The following PATJ variants were observed in gnomAD, a reference collection of about 807,000 sequenced individuals.
The protein encoded by PATJ is PATJ crumbs cell polarity complex component, also known as inaD-like protein.
A neutral mutation model predicts 224.9 loss-of-function variants in PATJ; 190 were observed. That is an observed-to-expected ratio of 0.84 (90% CI 0.75 to 0.95). PATJ has a LOEUF of 0.95. PATJ is among the 40% of genes least tolerant of loss of function. PATJ has a pLI of 0.00. For missense variants in PATJ, 2,121 were observed against 2,270.3 expected (o/e 0.93, Z 1.34); for synonymous variants, 769 against 820.3 (o/e 0.94, Z 1.07).
At chr1:61,927,853 G>A in intron 27 of PATJ, 24 bp downstream of exon 27, 2 of 1,455,234 alleles carry the variant, frequency 1.4e-6, no homozygotes, top group Non-Finnish European at 1.9e-6. Flanking sequence ...CACTATTTAG[G>A]GTAGATGCAG....
intron 27 of PATJ, among the ~76,000 whole-genome samples, chr1:61,946,111 G>A (rs1053821538): frequency 6.6e-6 from 1 of 152,172 alleles, no homozygotes; most frequent in Non-Finnish European, 1.5e-5. Flanking sequence ...ACAAGAGAAA[G>A]CAGGAAAGAT....
rs370887629 is a variant in PATJ, at chr1:61,999,691, C to T, written c.3867+9327C>T. 2.0e-5 allele frequency among the ~76,000 whole-genome samples: 3 copies of T among 152,006 alleles called. No individual in the cohort carries two copies. The East Asian group carries it at 5.8e-4, about 29-fold the overall frequency. Reference sequence around the variant, plus strand: ...TCAAAAAAACAAACAAAACAGAAACCAGTATATAAGAGAGACCGTTCCACT... The same window carrying T: ...TCAAAAAAACAAACAAAACAGAAACTAGTATATAAGAGAGACCGTTCCACT... On this transcript the variant is annotated intron_variant, in intron 28 of 43. Transcript: ENST00000642238.
chr1:61,921,675 A>G (rs1382780041), intron 26 of PATJ, among the ~76,000 whole-genome samples: 1 of 152,194 alleles, frequency 6.6e-6, no homozygotes, highest in Admixed American at 6.5e-5. Context: ...CTTATCTCTC[A>G]TTAAATAAAA....
chr1:61,824,705 A>G (rs1387565490), intron 15 of PATJ, among the ~76,000 whole-genome samples: 1 of 152,150 alleles, frequency 6.6e-6, no homozygotes, highest in Non-Finnish European at 1.5e-5. Context: ...AATTACAGTC[A>G]TTAGCCACCA....
chr1:61,990,167 G>T lies in PATJ; in HGVS notation c.3671-1G>T, dbSNP rs868364490. The T allele has an allele frequency of 3.1e-6, 5 of 1,588,044 alleles. No individual in the cohort carries two copies. Among genetic ancestry groups the T allele is most frequent in the Non-Finnish European group, 4.3e-6 (5 of 1,171,278 alleles). On this transcript the variant is annotated splice_acceptor_variant, in intron 27 of 43. Transcript: ENST00000642238. LOFTEE classifies it high-confidence loss of function. ...TAATTTTAAAAAAATTCTTTTAATA[G>T]AAAAAATCAGACAAAGATATGCAGA...
intron 25 of PATJ, 22 bp from the exon 26 acceptor site, chr1:61,914,565 A>C (rs1197441226): frequency 1.7e-6 from 2 of 1,172,912 alleles, no homozygotes; most frequent in South Asian, 1.4e-5. Flanking sequence ...TCTTCCCCCC[A>C]CCCCTTTTTT....
At chr1:62,057,304 A>T (rs1414508847) in intron 31 of PATJ, among the ~76,000 whole-genome samples, 1 of 152,234 alleles carries the variant, frequency 6.6e-6, no homozygotes, top group African/African-American at 2.4e-5. Context: ...AGGCAACCTT[A>T]GAGCCTCTGA....
intron 41 of PATJ, among the ~76,000 whole-genome samples, chr1:62,142,054 T>C (rs1281860668): frequency 6.6e-6 from 1 of 152,162 alleles, no homozygotes; most frequent in African/African-American, 2.4e-5. Context: ...TGATGCTGTA[T>C]TATGTTGAAT....
chr1:61,909,079 A>G (rs561426266), intron 25 of PATJ, among the ~76,000 whole-genome samples: 1 of 152,236 alleles, frequency 6.6e-6, no homozygotes, highest in South Asian at 2.1e-4. Context: ...TCCCAGGTTC[A>G]AGTGATTCCT....
intron 42 of PATJ, 64 bp downstream of exon 42, chr1:62,148,454 G>T: frequency 8.5e-7 from 1 of 1,176,832 alleles, no homozygotes; most frequent in South Asian, 1.2e-5. Context: ...AACTTTTCCA[G>T]ACACTCAAGT....
At chr1:62,082,716 G>A (rs1232794811) in intron 32 of PATJ, among the ~76,000 whole-genome samples, 1 of 152,110 alleles carries the variant, frequency 6.6e-6, no homozygotes, top group African/African-American at 2.4e-5. Context: ...GTTCCAATAC[G>A]ACTTTATTTA....
At chr1:61,859,168 A>C (rs1344777768) in intron 18 of PATJ, among the ~76,000 whole-genome samples, 1 of 152,180 alleles carries the variant, frequency 6.6e-6, no homozygotes, top group Admixed American at 6.5e-5. Context: ...CTTTACCTTC[A>C]AGCAGTTTTA....
intron 9 of PATJ, among the ~76,000 whole-genome samples, chr1:61,793,933 G>A (rs1241125569): frequency 0.22 from 85 of 386 alleles, 1 homozygote; most frequent in South Asian, 0.48. Flanking sequence ...ACAGAATCTC[G>A]CTCTTGTTGC....
chr1:61,986,739 CG>C (rs1644780638), intron 27 of PATJ, among the ~76,000 whole-genome samples: 1 of 150,532 alleles, frequency 6.6e-6, no homozygotes, highest in African/African-American at 2.5e-5. Context: ...TATTTTTTCT[CG>C]TTAAGTTTTT....
At chr1:62,089,969 GTCT>G (rs1002556494) in intron 33 of PATJ, among the ~76,000 whole-genome samples, 6 of 152,110 alleles carry the variant, frequency 3.9e-5, no homozygotes, top group Non-Finnish European at 8.8e-5. Flanking sequence ...AGATTTCTGT[GTCT>G]TCTTTGTTGT....
At chr1:62,156,216 A>G (rs888697684) in intron 43 of PATJ, among the ~76,000 whole-genome samples, 1 of 151,046 alleles carries the variant, frequency 6.6e-6, no homozygotes, top group African/African-American at 2.4e-5. Flanking sequence ...ATCTCTAAAA[A>G]TAAAAAAATT....
intron 33 of PATJ, 130 bp from the exon 34 acceptor site, chr1:62,108,307 T>A (rs985685410): frequency 1.8e-4 from 94 of 522,978 alleles, no homozygotes; most frequent in Middle Eastern, 1.5e-3. Context: ...CTGTGTATAT[T>A]GTTTATCTTT....
Position 61,786,862 on chromosome 1 carries a change from T to C in PATJ, c.850-892T>C, listed in dbSNP as rs988902715. 9.2e-5 allele frequency among the ~76,000 whole-genome samples: 14 copies of C among 152,046 alleles called. 1 individual carries two copies. The highest frequency in any genetic ancestry group is 5.2e-4 in the Admixed American group (8 of 15,244). On this transcript the variant is annotated intron_variant, in intron 7 of 43. Coordinates refer to ENST00000642238, the MANE Select transcript of PATJ (RefSeq NM_001350145.3). ...TTAGCCGAGCGTGGTGGTGCGCGCC[T>C]GTAATCCCAGCTGCTCAGGAGGCTG...
At chr1:61,962,223 A>C (rs1369623326) in intron 27 of PATJ, among the ~76,000 whole-genome samples, 1 of 152,176 alleles carries the variant, frequency 6.6e-6, no homozygotes, top group African/African-American at 2.4e-5. Context: ...CCTCATGAGA[A>C]TAGTCTATCT....
Sources: gnomAD v4.1 joint callset for allele counts (sites outside exome capture counted in the v4.1 genomes callset) on GRCh38, gnomAD v4.1.1 for gene constraint, MANE v1.5 for transcripts, NCBI Gene and HGNC (gene_info 2026-07-23, HGNC 2026-07-21) for gene names.